HNRNPA2B1: variants seen among roughly 807,000 people sequenced by gnomAD.
The protein encoded by HNRNPA2B1 is heterogeneous nuclear ribonucleoprotein A2/B1.
HNRNPA2B1 carries 3 observed loss-of-function variants against 46.3 expected under a neutral mutation model. The ratio of observed to expected loss-of-function variants is 0.06; its 90% confidence interval spans 0.03 to 0.17. HNRNPA2B1 has a LOEUF of 0.17. HNRNPA2B1 is among the 10% of genes least tolerant of loss of function. The pLI is 1.00. For missense variants in HNRNPA2B1, 221 were observed against 418.9 expected (o/e 0.53, Z 4.12); for synonymous variants, 225 against 133.8 (o/e 1.68, Z -4.70).
intron 9 of HNRNPA2B1, among the ~76,000 whole-genome samples, chr7:26,193,040 A>ACCT (rs1255949215): frequency 2.0e-5 from 3 of 151,902 alleles, no homozygotes; most frequent in Non-Finnish European, 4.4e-5. Context: ...GAACACCCCC[A>ACCT]CCTCCAACAT....
At chr7:26,194,886 G>A (rs1421219939) in intron 7 of HNRNPA2B1, among the ~76,000 whole-genome samples, 2 of 151,696 alleles carry the variant, frequency 1.3e-5, no homozygotes, top group African/African-American at 4.8e-5. Flanking sequence ...ACGAGGTCAG[G>A]AGTTCAAGAC....
rs367958673 is a variant in HNRNPA2B1, at chr7:26,193,586, T to C, written c.830A>G (p.Asn277Ser). The change falls in exon 8 of 11, where the codon AAC (asparagine) becomes AGC (serine). Residue 277 changes from asparagine (N) to serine (S), a missense_variant. Coordinates refer to ENST00000618183, the MANE Select transcript of HNRNPA2B1 (RefSeq NM_002137.4). ...QGGGYGGGYD[N>S]YGGGNYGSGN... Reference sequence around the variant, plus strand: ...GGTGAATTTATTACCTCCTCCATAGTTGTCATAACCACCTCCGTAGCCCCC... The same window carrying C: ...GGTGAATTTATTACCTCCTCCATAGCTGTCATAACCACCTCCGTAGCCCCC... 1.1e-5 allele frequency: 17 copies of C among 1,590,578 alleles called. No homozygotes were observed. The highest frequency in any genetic ancestry group is 1.4e-5 in the Non-Finnish European group (16 of 1,174,272).
chr7:26,196,712 T>G, intron 4 of HNRNPA2B1, 54 bp from the exon 5 acceptor site: 1 of 1,572,580 alleles, frequency 6.4e-7, no homozygotes. Flanking sequence ...ATTAAGCAGC[T>G]TCAAAAGTTT....
Position 26,191,724 on chromosome 7 carries a change from A to G in HNRNPA2B1, c.*636T>C, listed in dbSNP as rs909185014. 4.6e-5 allele frequency: 7 copies of G among 152,358 alleles called. No homozygotes were observed. The highest frequency in any genetic ancestry group is 1.0e-4 in the Non-Finnish European group (7 of 68,026). The allele number at this position is 152,358 out of a possible 1,614,324, so 9.4% of individuals were successfully genotyped here. A position where few individuals can be genotyped will look rare whatever the true frequency, so the allele number is the denominator to read the frequency against. ...AATTTAATCCTGATGAATTGCAGAC[A>G]ACACACTTACATCTGACCAGCATTT... On this transcript the variant is annotated 3_prime_UTR_variant, in exon 11 of 11. Transcript: ENST00000618183.
intron 7 of HNRNPA2B1, among the ~76,000 whole-genome samples, chr7:26,195,265 T>A (rs1345068042): frequency 1.3e-5 from 2 of 152,032 alleles, no homozygotes; most frequent in Non-Finnish European, 2.9e-5. Context: ...ACACCAGAAA[T>A]CAAGTCTATT....
intron 7 of HNRNPA2B1, among the ~76,000 whole-genome samples, chr7:26,194,403 G>T (rs553163262): frequency 6.6e-6 from 1 of 150,714 alleles, no homozygotes; most frequent in East Asian, 2.0e-4. Context: ...CTCAAAAAAC[G>T]AAACAATGTT....
rs1020792783 is a variant in HNRNPA2B1 at position 26,193,093 on chromosome 7, CTG to C, written c.964+156_964+157del. On this transcript the variant is annotated intron_variant, in intron 9 of 10. Transcript: ENST00000618183. Reference sequence around the variant, plus strand: ...TGTCATAACTGCTTGCTGAGTACTTCTGTGGAGATTTATGCAAAATTTCTTTA... The same window carrying C: ...TGTCATAACTGCTTGCTGAGTACTTCTGGAGATTTATGCAAAATTTCTTTA... Among the ~76,000 whole-genome samples the C allele has an allele frequency of 3.3e-5, 5 of 152,136 alleles. No homozygotes were observed. The East Asian group carries it at 9.6e-4, about 29-fold the overall frequency.
Position 26,190,197 on chromosome 7 carries a change from C to T in HNRNPA2B1, c.*2163G>A, listed in dbSNP as rs895238927. ...AATTGTAATCTGTCTACTCACAAAA[C>T]CTAATTTAAAACATGATACATTTAT... On this transcript the variant is annotated 3_prime_UTR_variant, in exon 11 of 11. Transcript: ENST00000618183. 4 of 152,508 alleles carry T rather than the reference C, an allele frequency of 2.6e-5. No individual in the cohort carries two copies. Among genetic ancestry groups the T allele is most frequent in the Non-Finnish European group, 4.4e-5 (3 of 67,986 alleles). The allele number at this position is 152,508 out of a possible 1,614,324, so 9.4% of individuals were successfully genotyped here. A position where few individuals can be genotyped will look rare whatever the true frequency, so the allele number is the denominator to read the frequency against.
chr7:26,195,538 A>C (rs1448792075), intron 7 of HNRNPA2B1, among the ~76,000 whole-genome samples: 1 of 152,230 alleles, frequency 6.6e-6, no homozygotes, highest in Non-Finnish European at 1.5e-5. Flanking sequence ...TTACTCTGTT[A>C]AATCCAGTAT....
intron 7 of HNRNPA2B1, 98 bp downstream of exon 7, chr7:26,195,749 T>C (rs1562710131): frequency 1.2e-5 from 16 of 1,337,684 alleles, no homozygotes; most frequent in Middle Eastern, 1.8e-4. Flanking sequence ...TAGACACTAA[T>C]ATAAAATGTT....
At chr7:26,193,765 C>T (rs1055935184) in intron 7 of HNRNPA2B1, 71 bp from the exon 8 acceptor site, 8 of 1,278,712 alleles carry the variant, frequency 6.3e-6, no homozygotes, top group Non-Finnish European at 8.9e-6. Context: ...TCCTCACATC[C>T]ATTTCCAGCT....
At chr7:26,197,961 A>C (rs185576541) in intron 1 of HNRNPA2B1, 9 of 741,280 alleles carry the variant, frequency 1.2e-5, no homozygotes, top group Non-Finnish European at 1.5e-5. Flanking sequence ...GCTGATCTAC[A>C]CAAGTTTCAA....
intron 1 of HNRNPA2B1, chr7:26,200,283 C>A (rs577381042): frequency 4.5e-5 from 22 of 486,094 alleles, no homozygotes; most frequent in South Asian, 1.4e-4. Flanking sequence ...ATAAGAATTC[C>A]CGCCTCCGCG....
chr7:26,196,005 T>G (rs1236305836), intron 6 of HNRNPA2B1, 96 bp from the exon 7 acceptor site: 13 of 1,465,612 alleles, frequency 8.9e-6, no homozygotes, highest in Non-Finnish European at 1.2e-5. Context: ...AGCACAATAA[T>G]TAAGAACCGC....
rs746262717 is a variant in HNRNPA2B1 at position 26,195,929 on chromosome 7, G to C, written c.659-20C>G. On this transcript the variant is annotated intron_variant, in intron 6 of 10. Transcript: ENST00000618183. ...ATCCATCTGTTAGGGGCCAAAAAAAGATTACGTTTACTATAAACTGTTCAG... is the reference window on the plus strand; with the variant it reads ...ATCCATCTGTTAGGGGCCAAAAAAACATTACGTTTACTATAAACTGTTCAG... The C allele has an allele frequency of 1.3e-6, 2 of 1,595,274 alleles. No homozygotes were observed. Among genetic ancestry groups the C allele is most frequent in the East Asian group, 2.2e-5 (1 of 44,654 alleles).
intron 1 of HNRNPA2B1, 119 bp from the exon 2 acceptor site, chr7:26,197,851 C>G (rs1448457613): frequency 6.3e-7 from 1 of 1,598,912 alleles, no homozygotes; most frequent in Non-Finnish European, 8.5e-7. Flanking sequence ...TCCAAAGGAA[C>G]AGTTTCTAAA....
chr7:26,200,258 T>C (rs1276614086), intron 1 of HNRNPA2B1: 4 of 370,692 alleles, frequency 1.1e-5, no homozygotes, highest in African/African-American at 2.1e-5. Context: ...CGAAGCAGCG[T>C]GCTTTAGAAA....
intron 1 of HNRNPA2B1, chr7:26,199,467 G>A (rs1416663260): frequency 2.0e-5 from 3 of 152,214 alleles, no homozygotes; most frequent in Admixed American, 6.5e-5. Flanking sequence ...TATAACTAAG[G>A]ACAAAATCGT....
At chr7:26,194,888 G>T (rs1364148547) in intron 7 of HNRNPA2B1, among the ~76,000 whole-genome samples, 1 of 151,560 alleles carries the variant, frequency 6.6e-6, no homozygotes, top group Non-Finnish European at 1.5e-5. Flanking sequence ...GAGGTCAGGA[G>T]TTCAAGACCA....
Sources: allele counts gnomAD v4.1 joint callset (sites outside exome capture counted in the v4.1 genomes callset), GRCh38; gene constraint gnomAD v4.1.1; transcripts MANE v1.5; gene names NCBI Gene and HGNC (gene_info 2026-07-23, HGNC 2026-07-21).